The following COL28A1 variants were observed in gnomAD, a reference collection of about 807,000 sequenced individuals.
COL28A1 encodes collagen type XXVIII alpha 1 chain.
COL28A1 carries 161 observed loss-of-function variants against 150.2 expected under a neutral mutation model. The observed-to-expected ratio is 1.07, with a 90% CI of 0.94 to 1.22. COL28A1 has a LOEUF of 1.22. COL28A1 is among the 50% of genes most tolerant of loss of function. The probability of loss-of-function intolerance (pLI) is 0.00; values close to 1 mark genes in which losing one functional copy is unlikely to be tolerated. For missense variants in COL28A1, 1,617 were observed against 1,388.3 expected (o/e 1.16, Z -2.62); for synonymous variants, 552 against 469.7 (o/e 1.18, Z -2.26).
intron 18 of COL28A1, among the ~76,000 whole-genome samples, chr7:7,449,417 A>T (rs1786510784): frequency 2.0e-5 from 3 of 151,864 alleles, no homozygotes. Context: ...AACCTAATGA[A>T]GGGTATCTAT....
At chr7:7,354,412 A>G (rs1193644701), downstream of COL28A1, among the ~76,000 whole-genome samples, 1 of 152,220 alleles carries the variant, frequency 6.6e-6, no homozygotes, top group African/African-American at 2.4e-5. Context: ...GGCAAGTATC[A>G]AAGTATAGTG....
intron 11 of COL28A1, among the ~76,000 whole-genome samples, chr7:7,491,332 A>G (rs1359841181): frequency 6.6e-6 from 1 of 152,166 alleles, no homozygotes; most frequent in African/African-American, 2.4e-5. Context: ...CAAAGGAGAA[A>G]ACTGCCTCTG....
chr7:7,486,848 G>A (rs1037630948), intron 13 of COL28A1, among the ~76,000 whole-genome samples: 9 of 152,106 alleles, frequency 5.9e-5, no homozygotes, highest in African/African-American at 1.9e-4. Context: ...TAGCTAGCAT[G>A]TTGTTAAGAA....
the COL28A1 span, among the ~76,000 whole-genome samples, chr7:7,347,996 A>G: frequency 1.3e-5 from 2 of 152,106 alleles, no homozygotes; most frequent in Non-Finnish European, 1.5e-5. Flanking sequence ...ATGAGGCATT[A>G]ATTGGCATGG....
intron 3 of COL28A1, among the ~76,000 whole-genome samples, chr7:7,529,289 C>CAA (rs5882129): frequency 0.28 from 35,423 of 127,008 alleles, 6,079 homozygotes; most frequent in East Asian, 0.49. Flanking sequence ...AACTCTGTCT[C>CAA]AAAAAAAAAA....
intron 1 of COL28A1, 56 bp downstream of exon 1, chr7:7,535,694 T>A (rs1399795114): frequency 6.6e-6 from 1 of 152,196 alleles, no homozygotes; most frequent in Non-Finnish European, 1.5e-5. Flanking sequence ...TCTTCCACAG[T>A]TCCTTGATGG....
chr7:7,346,056 G>A, the COL28A1 span, among the ~76,000 whole-genome samples: 1 of 151,836 alleles, frequency 6.6e-6, no homozygotes, highest in African/African-American at 2.4e-5. Context: ...TTTAAATTTT[G>A]CCTTTTTTAT....
At chr7:7,436,546 T>A in intron 22 of COL28A1, 83 bp from the exon 23 acceptor site, 1 of 822,894 alleles carries the variant, frequency 1.2e-6, no homozygotes, top group Non-Finnish European at 2.2e-6. Flanking sequence ...CATTGGCCAC[T>A]CTGTAAAGAG....
At chr7:7,435,623 A>C (rs1050028087) in intron 23 of COL28A1, among the ~76,000 whole-genome samples, 2 of 152,200 alleles carry the variant, frequency 1.3e-5, no homozygotes, top group African/African-American at 4.8e-5. Flanking sequence ...GTCAGTTTTT[A>C]TACAACAGGT....
At chr7:7,499,745 G>A (rs1359805698) in intron 11 of COL28A1, among the ~76,000 whole-genome samples, 1 of 152,148 alleles carries the variant, frequency 6.6e-6, no homozygotes, top group Non-Finnish European at 1.5e-5. Context: ...TATTTGTGAT[G>A]TTGAACTACT....
At chr7:7,448,599 T>C (rs1356233929) in intron 18 of COL28A1, among the ~76,000 whole-genome samples, 1 of 151,514 alleles carries the variant, frequency 6.6e-6, no homozygotes, top group Non-Finnish European at 1.5e-5. Context: ...CAAACACATA[T>C]AAAAATGTTC....
chr7:7,529,445 A>G (rs1287867931), intron 3 of COL28A1, among the ~76,000 whole-genome samples: 1 of 152,196 alleles, frequency 6.6e-6, no homozygotes, highest in Non-Finnish European at 1.5e-5. Flanking sequence ...TGGTTTATTC[A>G]TGGAGCTTCC....
At chr7:7,426,947 C>T (rs947679949) in intron 25 of COL28A1, among the ~76,000 whole-genome samples, 2 of 152,138 alleles carry the variant, frequency 1.3e-5, no homozygotes, top group Non-Finnish European at 2.9e-5. Flanking sequence ...ATATAATTTT[C>T]CACTGGGAGA....
downstream of COL28A1, among the ~76,000 whole-genome samples, chr7:7,351,241 A>G (rs1780224471): frequency 6.6e-6 from 1 of 152,164 alleles, no homozygotes; most frequent in African/African-American, 2.4e-5. Flanking sequence ...ATGGTAAAAG[A>G]GCCATGGAAA....
At chr7:7,477,707 C>T (rs988063726) in intron 13 of COL28A1, among the ~76,000 whole-genome samples, 3 of 152,146 alleles carry the variant, frequency 2.0e-5, no homozygotes, top group African/African-American at 7.2e-5. Context: ...GCAGTGTGGA[C>T]CCAAACAGTT....
chr7:7,512,260 T>C (rs1215299806), intron 8 of COL28A1, among the ~76,000 whole-genome samples: 1 of 152,140 alleles, frequency 6.6e-6, no homozygotes, highest in African/African-American at 2.4e-5. Flanking sequence ...ACTAGTTAGA[T>C]AGGAGCAATA....
At chr7:7,428,937 C>G (rs1784789043) in intron 25 of COL28A1, among the ~76,000 whole-genome samples, 1 of 152,130 alleles carries the variant, frequency 6.6e-6, no homozygotes, top group Non-Finnish European at 1.5e-5. Flanking sequence ...TGGAAAAGAG[C>G]CACGGAGAAC....
In COL28A1 at chr7:7,376,339, A is replaced by T. The variant is rs115377619; in HGVS notation, c.2323-842T>A. ...GCAAAAGTAAAATTTTTAAGAACAA[A>T]TCTATAATGTCAAATCGAGGTGGAG... On this transcript the variant is annotated intron_variant, in intron 30 of 34. Transcript: ENST00000399429. 2.3e-3 allele frequency among the ~76,000 whole-genome samples: 345 copies of T among 152,346 alleles called. 1 individual carries two copies. Among genetic ancestry groups the T allele is most frequent in the African/African-American group, 7.6e-3 (314 of 41,566 alleles).
At chr7:7,374,038 A>AT (rs1554260692) in intron 31 of COL28A1, among the ~76,000 whole-genome samples, 40,206 of 113,082 alleles carry the variant, frequency 0.36, 7,934 homozygotes, top group South Asian at 0.49. Context: ...AAAAAAAAAA[A>AT]ATATATATAT....
Sources: allele counts gnomAD v4.1 joint callset (sites outside exome capture counted in the v4.1 genomes callset), GRCh38; gene constraint gnomAD v4.1.1; transcripts MANE v1.5; gene names NCBI Gene and HGNC (gene_info 2026-07-23, HGNC 2026-07-21).